Variants in ADCY2 observed in about 807,000 individuals in gnomAD.
ADCY2 encodes adenylate cyclase type 2.
A neutral mutation model predicts 125.2 loss-of-function variants in ADCY2; 31 were observed. That is an observed-to-expected ratio of 0.25 (90% CI 0.19 to 0.33). ADCY2 has a LOEUF of 0.33. Ranked by LOEUF, ADCY2 falls within the 10% of genes least tolerant of loss-of-function variation. ADCY2 has a pLI of 1.00. For missense variants in ADCY2, 904 were observed against 1,418.2 expected (o/e 0.64, Z 5.82); for synonymous variants, 512 against 548.4 (o/e 0.93, Z 0.93).
intron 22 of ADCY2, among the ~76,000 whole-genome samples, chr5:7,808,217 C>G (rs1284262398): frequency 2.6e-5 from 4 of 152,218 alleles, no homozygotes; most frequent in Admixed American, 2.0e-4. Context: ...TGCTACCTGT[C>G]ATTTTCAACT....
chr5:7,644,815 A>G (rs1933047062), intron 4 of ADCY2, among the ~76,000 whole-genome samples: 1 of 152,098 alleles, frequency 6.6e-6, no homozygotes, highest in Non-Finnish European at 1.5e-5. Context: ...TCCCAAAGCT[A>G]CACCCTTAGC....
In ADCY2 at chr5:7,636,518, A is replaced by G. The variant is rs145228284; in HGVS notation, c.720+10202A>G. Among the ~76,000 whole-genome samples, 7 of 152,326 alleles carry G rather than the reference A, an allele frequency of 4.6e-5. No homozygotes were observed. In the East Asian group the frequency reaches 1.4e-3, roughly 29 times the overall value. On this transcript the variant is annotated intron_variant, in intron 4 of 24. Transcript: ENST00000338316. ...AGGTGGTTACCAGAAGGCAGTATAC[A>G]AGGCAGATGTCTTGATTGACCACCT...
chr5:7,726,749 C>T (rs1172443602), intron 13 of ADCY2, among the ~76,000 whole-genome samples: 1 of 152,148 alleles, frequency 6.6e-6, no homozygotes, highest in African/African-American at 2.4e-5. Flanking sequence ...TCTTGCATTT[C>T]CTCAGTAGTA....
chr5:7,539,355 TAAA>T (rs3033075), intron 3 of ADCY2, among the ~76,000 whole-genome samples: 1 of 147,526 alleles, frequency 6.8e-6, no homozygotes, highest in African/African-American at 2.5e-5. Flanking sequence ...TGCATGGGAT[TAAA>T]AAAAAAAAAA....
At chr5:7,689,744 T>C (rs1561168581) in intron 4 of ADCY2, among the ~76,000 whole-genome samples, 3 of 152,004 alleles carry the variant, frequency 2.0e-5, no homozygotes, top group Non-Finnish European at 1.5e-5. Context: ...AGACAGACAA[T>C]GTGATAGATA....
At chr5:7,580,787 T>C (rs1265369125) in intron 3 of ADCY2, among the ~76,000 whole-genome samples, 2 of 152,176 alleles carry the variant, frequency 1.3e-5, no homozygotes, top group Non-Finnish European at 2.9e-5. Flanking sequence ...CATGTCATGG[T>C]CAAATTGGTG....
chr5:7,753,262 T>C (rs929200908), intron 15 of ADCY2, among the ~76,000 whole-genome samples: 1 of 152,204 alleles, frequency 6.6e-6, no homozygotes, highest in Non-Finnish European at 1.5e-5. Context: ...ATCCCTTGTT[T>C]GTTAATGGAT....
intron 4 of ADCY2, among the ~76,000 whole-genome samples, chr5:7,629,584 A>G (rs1014277743): frequency 5.9e-5 from 9 of 152,248 alleles, no homozygotes; most frequent in African/African-American, 2.2e-4. Flanking sequence ...ATTATGAACA[A>G]TAAAAATCAT....
At chr5:7,509,625 C>T (rs1284402033) in intron 2 of ADCY2, among the ~76,000 whole-genome samples, 1 of 152,160 alleles carries the variant, frequency 6.6e-6, no homozygotes, top group African/African-American at 2.4e-5. Context: ...GAAAGCTACC[C>T]AGTGATTCAT....
In ADCY2 at chr5:7,414,656, C is replaced by T. The variant is rs758065979; in HGVS notation, c.294C>T (p.Ile98=). The T allele has an allele frequency of 6.2e-6, 10 of 1,613,484 alleles. No individual in the cohort carries two copies. Among genetic ancestry groups the T allele is most frequent in the Admixed American group, 1.7e-5 (1 of 59,872 alleles). ...IFFAIFILVC[I]ESVFKKLLRL... ...TTGCGATATTTATCCTGGTCTGCATCGAGTCTGTGTTTAAGAAGCTGCTGC... is the reference window on the plus strand; with the variant it reads ...TTGCGATATTTATCCTGGTCTGCATTGAGTCTGTGTTTAAGAAGCTGCTGC... Residue 98 remains isoleucine (I), a synonymous_variant, in exon 2 of 25, where the codon ATC becomes ATT. Coordinates refer to ENST00000338316, the MANE Select transcript of ADCY2 (RefSeq NM_020546.3).
rs368011711 is a variant in ADCY2, at chr5:7,742,766, G to A, written c.1872-902G>A. ...TATATCTGGTTCTTCCATCCCATAC[G>A]TTGTTTCTGGATGTTACTCCTCTTC... is the stretch of plus-strand genomic sequence containing the variant. On this transcript the variant is annotated intron_variant, in intron 14 of 24. Transcript: ENST00000338316. Among the ~76,000 whole-genome samples the A allele has an allele frequency of 1.7e-4, 26 of 152,186 alleles. 1 individual carries two copies. The South Asian group carries it at 4.6e-3, about 27-fold the overall frequency.
chr5:7,660,140 T>C (rs962392005), intron 4 of ADCY2, among the ~76,000 whole-genome samples: 21 of 151,402 alleles, frequency 1.4e-4, no homozygotes, highest in Middle Eastern at 3.4e-3. Flanking sequence ...CCACATGCAA[T>C]TTACCCATTT....
At chr5:7,415,914 T>C (rs1215564627) in intron 2 of ADCY2, among the ~76,000 whole-genome samples, 5 of 151,634 alleles carry the variant, frequency 3.3e-5, no homozygotes, top group East Asian at 1.9e-4. Flanking sequence ...AGAGGGTGAC[T>C]GAGTAGCTGA....
At chr5:7,433,369 T>G (rs1359109013) in intron 2 of ADCY2, among the ~76,000 whole-genome samples, 1 of 152,208 alleles carries the variant, frequency 6.6e-6, no homozygotes, top group Non-Finnish European at 1.5e-5. Flanking sequence ...TTAAAAAAAT[T>G]CAGTCTCTCT....
intron 23 of ADCY2, among the ~76,000 whole-genome samples, chr5:7,817,965 T>G (rs1745172027): frequency 6.6e-6 from 1 of 152,234 alleles, no homozygotes. Context: ...AATTGTTGTT[T>G]TTTTAAATGT....
chr5:7,690,456 C>G, intron 4 of ADCY2: 1 of 334,134 alleles, frequency 3.0e-6, no homozygotes. Context: ...CTTTATTCTT[C>G]ATACTGAAGA....
intron 14 of ADCY2, among the ~76,000 whole-genome samples, chr5:7,739,728 A>G (rs1252754099): frequency 1.3e-5 from 2 of 151,898 alleles, no homozygotes; most frequent in Admixed American, 6.6e-5. Context: ...AATTTAAGGG[A>G]AAAAAGAGGA....
In ADCY2 at chr5:7,520,353, G is replaced by A. The variant is rs370676529; in HGVS notation, c.409-385G>A. Among the ~76,000 whole-genome samples, 59 of 152,052 alleles carry A rather than the reference G, an allele frequency of 3.9e-4. 1 individual carries two copies. The South Asian group carries it at 9.8e-3, about 25-fold the overall frequency. On this transcript the variant is annotated intron_variant, in intron 2 of 24. Coordinates refer to ENST00000338316, the MANE Select transcript of ADCY2 (RefSeq NM_020546.3). The stretch of plus-strand genomic sequence containing the variant: ...ATGGGTCTCCACCCTGTCCACCCCC[G>A]TCCCCGATGATGCCTGTCCCTCCTC...
intron 3 of ADCY2, among the ~76,000 whole-genome samples, chr5:7,531,273 G>T (rs1349798823): frequency 6.6e-6 from 1 of 152,086 alleles, no homozygotes; most frequent in African/African-American, 2.4e-5. Flanking sequence ...AGGCGACCTG[G>T]AGGGCCGCCG....
Sources: gnomAD v4.1 joint callset for allele counts (sites outside exome capture counted in the v4.1 genomes callset) on GRCh38, gnomAD v4.1.1 for gene constraint, MANE v1.5 for transcripts, NCBI Gene and HGNC (gene_info 2026-07-23, HGNC 2026-07-21) for gene names.